The following DLG2 variants were observed in gnomAD, a reference collection of about 807,000 sequenced individuals.
DLG2 encodes discs large MAGUK scaffold protein 2.
In DLG2, 45 loss-of-function variants were observed where a neutral mutation model predicts 132.5. That is an observed-to-expected ratio of 0.34 (90% CI 0.27 to 0.44). The LOEUF is 0.44. DLG2 is among the 20% of genes least tolerant of loss of function. The pLI is 1.00. For missense variants in DLG2, 1,045 were observed against 1,196.9 expected, an observed-to-expected ratio of 0.87 and a Z score of 1.87; for synonymous variants, 424 against 419.6, an observed-to-expected ratio of 1.01 and a Z score of -0.13.
chr11:84,207,776 A>T (rs1485558391), intron 8 of DLG2, among the ~76,000 whole-genome samples: 5 of 152,222 alleles, frequency 3.3e-5, no homozygotes, highest in African/African-American at 1.2e-4. Context: ...AGAAAATTTT[A>T]TAAACAACAT....
At chr11:83,872,967 T>G (rs2063766666) in intron 16 of DLG2, among the ~76,000 whole-genome samples, 1 of 152,216 alleles carries the variant, frequency 6.6e-6, no homozygotes, top group Non-Finnish European at 1.5e-5. Context: ...GGTTATTGAT[T>G]CTATTTAAAG....
intron 3 of DLG2, among the ~76,000 whole-genome samples, chr11:85,532,162 T>A (rs896705250): frequency 6.6e-6 from 1 of 152,222 alleles, no homozygotes; most frequent in Non-Finnish European, 1.5e-5. Context: ...CACTACGCAG[T>A]ATATACAAAA....
At chr11:85,132,488 A>G (rs546081332) in intron 5 of DLG2, among the ~76,000 whole-genome samples, 1 of 152,206 alleles carries the variant, frequency 6.6e-6, no homozygotes, top group South Asian at 2.1e-4. Flanking sequence ...AGCTATAAAT[A>G]GATGCAAAAG....
intron 18 of DLG2, among the ~76,000 whole-genome samples, chr11:83,761,498 A>T (rs1340732304): frequency 6.6e-6 from 1 of 152,208 alleles, no homozygotes; most frequent in East Asian, 1.9e-4. Flanking sequence ...CTCTGAAACA[A>T]ATGCACCCTG....
intron 11 of DLG2, among the ~76,000 whole-genome samples, chr11:84,007,857 TCA>T (rs2094649858): frequency 6.6e-6 from 1 of 151,676 alleles, no homozygotes; most frequent in Non-Finnish European, 1.5e-5. Flanking sequence ...CCTCATAATA[TCA>T]CAGTGAGAAT....
intron 6 of DLG2, among the ~76,000 whole-genome samples, chr11:85,061,067 T>C (rs1289022107): frequency 6.6e-6 from 1 of 151,620 alleles, no homozygotes; most frequent in Non-Finnish European, 1.5e-5. Flanking sequence ...AAATCCTTTG[T>C]CCATTTTTTA....
intron 15 of DLG2, among the ~76,000 whole-genome samples, chr11:83,911,408 T>C (rs976120201): frequency 1.8e-4 from 28 of 152,160 alleles, no homozygotes; most frequent in Admixed American, 1.8e-3. Flanking sequence ...GCTAAACTTA[T>C]AATTTTCTAC....
chr11:85,621,544 C>T (rs1267399875), intron 2 of DLG2, among the ~76,000 whole-genome samples: 2 of 152,168 alleles, frequency 1.3e-5, no homozygotes, highest in Non-Finnish European at 2.9e-5. Flanking sequence ...AAAATATCAA[C>T]ATTAACGGGA....
intron 5 of DLG2, among the ~76,000 whole-genome samples, chr11:85,134,470 A>G (rs941688746): frequency 2.2e-5 from 3 of 137,262 alleles, no homozygotes; most frequent in African/African-American, 8.1e-5. Context: ...CGGAGCTTGC[A>G]GTGAGCCGAG....
At chr11:85,244,348 G>T (rs1323063614) in intron 4 of DLG2, among the ~76,000 whole-genome samples, 1 of 151,920 alleles carries the variant, frequency 6.6e-6, no homozygotes, top group Non-Finnish European at 1.5e-5. Context: ...AAAGCTAAGT[G>T]ATGTGCATAT....
intron 6 of DLG2, among the ~76,000 whole-genome samples, chr11:84,641,592 C>T (rs1173781353): frequency 1.3e-5 from 2 of 152,040 alleles, no homozygotes; most frequent in African/African-American, 4.8e-5. Context: ...TGGATTTGAC[C>T]TATCTCTCCC....
chr11:85,614,332 T>TAAAA lies in DLG2; in HGVS notation c.-93+12251_-93+12254dup, dbSNP rs777965732. On this transcript the variant is annotated intron_variant, in intron 2 of 27. Coordinates refer to ENST00000376104, the MANE Select transcript of DLG2 (RefSeq NM_001142699.3). ...CTTGAACCAGGTTTTTTTTTTTTTT[T>TAAAA]AAAAATTAACATTAAAATGTATAGT... Among the ~76,000 whole-genome samples, 1,206 of 151,084 alleles carry TAAAA rather than the reference T, an allele frequency of 8.0e-3. 15 individuals carry two copies. Among genetic ancestry groups the TAAAA allele is most frequent in the African/African-American group, 0.026 (1,068 of 41,326 alleles).
intron 4 of DLG2, among the ~76,000 whole-genome samples, chr11:85,219,208 C>A (rs1309644578): frequency 2.0e-5 from 3 of 152,012 alleles, no homozygotes; most frequent in Non-Finnish European, 2.9e-5. Context: ...GCACATGTAC[C>A]CCCTGTATCT....
rs192055930 is a variant in DLG2, at chr11:85,215,165, G to A, written c.187-60514C>T. On this transcript the variant is annotated intron_variant, in intron 4 of 27. Transcript: ENST00000376104. ...AAACACAAGTTCATAATTTAAGCCT[G>A]CTAAAACATGTGTGTATTTTCAGAA... Among the ~76,000 whole-genome samples, 232 of 152,232 alleles carry A rather than the reference G, an allele frequency of 1.5e-3. 1 individual carries two copies. Among genetic ancestry groups the A allele is most frequent in the Admixed American group, 3.7e-3 (57 of 15,282 alleles).
chr11:84,579,675 T>A (rs1305533125), intron 6 of DLG2, among the ~76,000 whole-genome samples: 3 of 152,150 alleles, frequency 2.0e-5, no homozygotes, highest in Non-Finnish European at 4.4e-5. Flanking sequence ...GTAATGAAGG[T>A]TATGATATGC....
intron 7 of DLG2, among the ~76,000 whole-genome samples, chr11:84,350,180 C>CCA (rs1555518927): frequency 5.6e-5 from 8 of 143,430 alleles, no homozygotes; most frequent in Non-Finnish European, 9.1e-5. Context: ...TTCGTCCCCC[C>CCA]CCCCAAAAAA....
At position 84,173,278 on chromosome 11, in the gene DLG2, T is replaced by C. The variant is rs544515138; in HGVS notation, c.574-9767A>G. The stretch of plus-strand genomic sequence containing the variant: ...GGTGGTTTTAATGCATTCACTTGGC[T>C]CCAGCCTGATGCAGGCTGTTTTGTT... On this transcript the variant is annotated intron_variant, in intron 8 of 27. Transcript: ENST00000376104. 5.3e-5 allele frequency among the ~76,000 whole-genome samples: 8 copies of C among 152,350 alleles called. No homozygotes were observed. In the South Asian group the frequency reaches 1.7e-3, roughly 32 times the overall value.
chr11:84,517,376 C>T (rs1591384389), intron 7 of DLG2, among the ~76,000 whole-genome samples: 1 of 151,666 alleles, frequency 6.6e-6, no homozygotes, highest in South Asian at 2.1e-4. Context: ...ATACAAATGG[C>T]CAAGAAGAAT....
chr11:84,166,500 CAAAAAAAAAAAA>C (rs398016937), intron 8 of DLG2, among the ~76,000 whole-genome samples: 2 of 81,040 alleles, frequency 2.5e-5, no homozygotes, highest in African/African-American at 4.8e-5. Context: ...GACTCTGCTT[CAAAAAAAAAAAA>C]AAAAAAAAGA....
Sources: gnomAD v4.1 joint callset for allele counts (sites outside exome capture counted in the v4.1 genomes callset) on GRCh38, gnomAD v4.1.1 for gene constraint, MANE v1.5 for transcripts, NCBI Gene and HGNC (gene_info 2026-07-23, HGNC 2026-07-21) for gene names.